Variants in UBA6 observed in about 807,000 individuals in gnomAD.
UBA6 encodes ubiquitin-like modifier-activating enzyme 6.
A neutral mutation model predicts 148.3 loss-of-function variants in UBA6; 87 were observed. That is an observed-to-expected ratio of 0.59 (90% CI 0.49 to 0.70). The LOEUF (loss-of-function observed/expected upper bound fraction) is 0.70. Among genes scored for constraint, UBA6 ranks in the 30% least tolerant of loss-of-function variants. The pLI, the probability that UBA6 is intolerant of heterozygous loss-of-function variation, is 0.00. For missense variants in UBA6, 1,186 were observed against 1,241.2 expected (o/e 0.96, Z 0.67); for synonymous variants, 376 against 401.0 (o/e 0.94, Z 0.75).
At chr4:67,656,192 G>C (rs1313675830) in intron 13 of UBA6, among the ~76,000 whole-genome samples, 1 of 152,108 alleles carries the variant, frequency 6.6e-6, no homozygotes, top group Non-Finnish European at 1.5e-5. Flanking sequence ...ATTTTATGAG[G>C]CCAGCATCCC....
intron 19 of UBA6, chr4:67,638,449 A>G: frequency 6.3e-6 from 1 of 158,826 alleles, no homozygotes. Context: ...TAGTACTCAC[A>G]GGACCCAGGA....
intron 5 of UBA6, among the ~76,000 whole-genome samples, chr4:67,678,125 T>C (rs1730333818): frequency 7.9e-6 from 1 of 126,408 alleles, no homozygotes. Flanking sequence ...TATTATATAA[T>C]ACATATTATG....
chr4:67,692,351 T>A (rs1012427267), intron 2 of UBA6, among the ~76,000 whole-genome samples: 1 of 152,110 alleles, frequency 6.6e-6, no homozygotes, highest in Non-Finnish European at 1.5e-5. Context: ...ACAAAGGACA[T>A]TTATTAGTAA....
At position 67,682,163 on chromosome 4, in the gene UBA6, G is replaced by T; in HGVS notation, c.185C>A (p.Ser62Tyr). 1 of 1,613,826 alleles carries T rather than the reference G, an allele frequency of 6.2e-7. No individual in the cohort carries two copies. Among genetic ancestry groups the T allele is most frequent in the South Asian group, 1.1e-5 (1 of 91,044 alleles). Residue 62 changes from serine (S) to tyrosine (Y), a missense_variant, in exon 3 of 33, where the codon TCC becomes TAC. Ser to Tyr is a moderately radical substitution (Grantham distance 144, BLOSUM62 -2). Coordinates refer to ENST00000322244, the MANE Select transcript of UBA6 (RefSeq NM_018227.6). ...GDTAMQKMAK[S>Y]HVFLSGMGGL... ...ACCCATCCCACTTAAGAAAACATGG[G>T]ACTTGGCCATCTTCTGCATTGCTGT...
chr4:67,659,297 C>G (rs1014163013), intron 13 of UBA6, among the ~76,000 whole-genome samples: 1 of 152,094 alleles, frequency 6.6e-6, no homozygotes, highest in Admixed American at 6.6e-5. Flanking sequence ...GCTGTGTCAC[C>G]ACCCAAAATC....
Position 67,696,633 on chromosome 4 carries a change from T to A in UBA6, c.134+12A>T, listed in dbSNP as rs370178220. The A allele has an allele frequency of 1.5e-5, 23 of 1,567,312 alleles. No homozygotes were observed. The East Asian group carries it at 5.0e-4, about 34-fold the overall frequency. ...TGGGGAAAATAAGTTTCAGTTTCTA[T>A]GAGATTCTTACCTATACAATGCATC... On this transcript the variant is annotated intron_variant, in intron 2 of 32. Coordinates refer to ENST00000322244, the MANE Select transcript of UBA6 (RefSeq NM_018227.6).
chr4:67,625,701 T>G (rs1419964467), intron 28 of UBA6, among the ~76,000 whole-genome samples: 1 of 151,940 alleles, frequency 6.6e-6, no homozygotes, highest in East Asian at 1.9e-4. Context: ...CTGGGTTATT[T>G]TTCCTGAAAT....
At chr4:67,623,841 A>T (rs573133046) in intron 30 of UBA6, among the ~76,000 whole-genome samples, 1 of 152,176 alleles carries the variant, frequency 6.6e-6, no homozygotes, top group East Asian at 1.9e-4. Flanking sequence ...TCTAAATCTC[A>T]TGACCTACAG....
chr4:67,645,966 T>C lies in UBA6; in HGVS notation c.1367A>G (p.Gln456Arg). 1 of 1,600,676 alleles carries C rather than the reference T, an allele frequency of 6.2e-7. No homozygotes were observed. Among genetic ancestry groups the C allele is most frequent in the Non-Finnish European group, 8.5e-7 (1 of 1,172,446 alleles). The change falls in exon 16 of 33, where the codon CAG becomes CGG. Residue 456 changes from glutamine to arginine, a missense_variant. By Grantham distance (43) the Gln-to-Arg change is conservative (BLOSUM62 1). Transcript: ENST00000322244. ...LRACIGDTLC[Q>R]KLQNLNIFLV... Reference sequence around the variant, plus strand: ...GAAGATGTTTAAATTTTGCAGTTTCTGACACAAAGTGTCTCCAATGCAAGC... The same window carrying C: ...GAAGATGTTTAAATTTTGCAGTTTCCGACACAAAGTGTCTCCAATGCAAGC...
At chr4:67,701,003 G>T in intron 1 of UBA6, 46 bp downstream of exon 1, 1 of 1,605,588 alleles carries the variant, frequency 6.2e-7, no homozygotes, top group Non-Finnish European at 8.5e-7. Context: ...CCCGGAGCCT[G>T]GGTCCCACCC....
intron 13 of UBA6, among the ~76,000 whole-genome samples, chr4:67,656,064 A>C (rs1262689700): frequency 6.6e-6 from 1 of 152,230 alleles, no homozygotes; most frequent in East Asian, 1.9e-4. Context: ...CCAACCAAAA[A>C]GAGTCCAGGA....
chr4:67,655,914 T>C (rs1447331095), intron 13 of UBA6, among the ~76,000 whole-genome samples: 4 of 152,220 alleles, frequency 2.6e-5, no homozygotes, highest in African/African-American at 9.6e-5. Flanking sequence ...TAAGCCCCTC[T>C]ATGCAAATAA....
At chr4:67,679,410 T>A (rs1011775272) in intron 4 of UBA6, among the ~76,000 whole-genome samples, 2 of 152,158 alleles carry the variant, frequency 1.3e-5, no homozygotes, top group Non-Finnish European at 2.9e-5. Context: ...CTAAATTTTT[T>A]AAAAAGCAAT....
chr4:67,694,546 C>T lies in UBA6; in HGVS notation c.134+2099G>A, dbSNP rs368213794. On this transcript the variant is annotated intron_variant, in intron 2 of 32. Transcript: ENST00000322244. ...AGCTGGGATTACAGGCGCCCGCCAC[C>T]GCCACCACACCCGGCTAATTTTTTG... Among the ~76,000 whole-genome samples, 706 of 145,368 alleles carry T rather than the reference C, an allele frequency of 4.9e-3. 8 individuals are homozygous for T. Among genetic ancestry groups the T allele is most frequent in the African/African-American group, 0.017 (665 of 40,004 alleles).
chr4:67,618,050 A>AC lies in UBA6; in HGVS notation c.*946_*947insG, dbSNP rs1447533032. The AC allele has an allele frequency of 5.3e-5, 8 of 150,902 alleles. No homozygotes were observed. Among genetic ancestry groups the AC allele is most frequent in the Admixed American group, 2.0e-4 (3 of 15,146 alleles). 9.3% of individuals were successfully genotyped at this position (150,902 alleles called of 1,614,324 possible). Reference sequence around the variant, plus strand: ...TTCTGTTTAAAAAAAAAAAACAAAAAAAACACAAAATTTAATACCCTAATT... The same window carrying AC: ...TTCTGTTTAAAAAAAAAAAACAAAAACAAACACAAAATTTAATACCCTAATT... On this transcript the variant is annotated 3_prime_UTR_variant, in exon 33 of 33. Coordinates refer to ENST00000322244, the MANE Select transcript of UBA6 (RefSeq NM_018227.6).
chr4:67,657,579 G>A (rs1023815167), intron 13 of UBA6, among the ~76,000 whole-genome samples: 2 of 152,108 alleles, frequency 1.3e-5, no homozygotes, highest in Non-Finnish European at 2.9e-5. Flanking sequence ...AACCCTAGAA[G>A]AAAACCTAGG....
intron 16 of UBA6, among the ~76,000 whole-genome samples, chr4:67,645,452 A>G (rs988101536): frequency 1.3e-5 from 2 of 152,050 alleles, no homozygotes; most frequent in Non-Finnish European, 2.9e-5. Context: ...TACAAAAATT[A>G]CCTGGGCGTG....
intron 9 of UBA6, among the ~76,000 whole-genome samples, chr4:67,666,579 T>C (rs1730001825): frequency 6.6e-6 from 1 of 152,100 alleles, no homozygotes; most frequent in Admixed American, 6.6e-5. Flanking sequence ...TTTAACAATG[T>C]TTTTTGGCTG....
rs1039153652 is a variant in UBA6, at chr4:67,613,196, A to G, written c.*5801T>C. ...GGATCAAAATAATCCTAAATTACTAATGCAGGTACCTGCCAGAAGCAAAAA... is the reference window on the plus strand; with the variant it reads ...GGATCAAAATAATCCTAAATTACTAGTGCAGGTACCTGCCAGAAGCAAAAA... On this transcript the variant is annotated 3_prime_UTR_variant, in exon 33 of 33. Transcript: ENST00000322244. The G allele has an allele frequency of 6.6e-6, 1 of 152,218 alleles. No individual in the cohort carries two copies. The highest frequency in any genetic ancestry group is 6.5e-5 in the Admixed American group (1 of 15,282). 9.4% of individuals were successfully genotyped at this position (152,218 alleles called of 1,614,324 possible).
Sources: gnomAD v4.1 joint callset for allele counts (sites outside exome capture counted in the v4.1 genomes callset) on GRCh38, gnomAD v4.1.1 for gene constraint, MANE v1.5 for transcripts, NCBI Gene and HGNC (gene_info 2026-07-23, HGNC 2026-07-21) for gene names.